The following COL4A3 variants were observed in gnomAD, a reference collection of about 807,000 sequenced individuals.
COL4A3 encodes collagen alpha-3(IV) chain.
COL4A3 carries 135 observed loss-of-function variants against 217.4 expected under a neutral mutation model. The ratio of observed to expected loss-of-function variants is 0.62; its 90% CI spans 0.54 to 0.72. The LOEUF is 0.72. Among genes scored for constraint, COL4A3 ranks in the 30% least tolerant of loss-of-function variants. The pLI is 0.00. For synonymous variants in COL4A3, 690 were observed against 736.3 expected (o/e 0.94, Z 1.02); for missense variants, 1,868 against 2,119.9 (o/e 0.88, Z 2.33).
At chr2:227,263,602 T>C (rs2070723312) in intron 20 of COL4A3, among the ~76,000 whole-genome samples, 178 bp from the exon 21 acceptor site, 1 of 152,258 alleles carries the variant, frequency 6.6e-6, no homozygotes, top group Non-Finnish European at 1.5e-5. Context: ...ACTGTGGTTA[T>C]TTAACAAGGC....
At chr2:227,207,607 G>T (rs894790538) in intron 1 of COL4A3, among the ~76,000 whole-genome samples, 2 of 152,318 alleles carry the variant, frequency 1.3e-5, no homozygotes, top group South Asian at 4.1e-4. Context: ...AGGGGGGTTT[G>T]CAGGGGCAGA....
intron 26 of COL4A3, among the ~76,000 whole-genome samples, chr2:227,274,461 T>G (rs562105299): frequency 6.6e-6 from 1 of 151,430 alleles, no homozygotes; most frequent in Non-Finnish European, 1.5e-5. Context: ...AATAAACAAA[T>G]AAATATTTAT....
intron 1 of COL4A3, among the ~76,000 whole-genome samples, chr2:227,222,789 G>T (rs1366249386): frequency 6.6e-6 from 1 of 152,126 alleles, no homozygotes; most frequent in Non-Finnish European, 1.5e-5. Flanking sequence ...GAATATGAAA[G>T]CAAGCAGAGG....
At chr2:227,221,671 C>A (rs1228386775) in intron 1 of COL4A3, among the ~76,000 whole-genome samples, 2 of 151,030 alleles carry the variant, frequency 1.3e-5, no homozygotes, top group Admixed American at 1.3e-4. Flanking sequence ...ATTAATTTTT[C>A]TTGGCAATTA....
chr2:227,175,948 G>A (rs957216570), intron 1 of COL4A3, among the ~76,000 whole-genome samples: 4 of 152,130 alleles, frequency 2.6e-5, no homozygotes, highest in Non-Finnish European at 5.9e-5. Context: ...TCTTTCTTCA[G>A]TCTCATTGGG....
At chr2:227,202,030 G>A (rs1394919683) in intron 1 of COL4A3, among the ~76,000 whole-genome samples, 1 of 152,166 alleles carries the variant, frequency 6.6e-6, no homozygotes. Context: ...AGTACACTAA[G>A]CCCTGTTTAG....
intron 18 of COL4A3, among the ~76,000 whole-genome samples, chr2:227,258,940 A>G (rs888592265): frequency 6.6e-6 from 1 of 152,150 alleles, no homozygotes; most frequent in South Asian, 2.1e-4. Flanking sequence ...TTGCTTAACC[A>G]CAAGACTCTT....
At chr2:227,215,795 A>C (rs1244405627) in intron 1 of COL4A3, among the ~76,000 whole-genome samples, 2 of 152,084 alleles carry the variant, frequency 1.3e-5, no homozygotes, top group African/African-American at 2.4e-5. Flanking sequence ...ATCCTCCCTC[A>C]GTTTTCCCTA....
At chr2:227,168,726 T>A (rs866077152) in intron 1 of COL4A3, among the ~76,000 whole-genome samples, 2 of 152,122 alleles carry the variant, frequency 1.3e-5, no homozygotes, top group Admixed American at 1.3e-4. Context: ...TCTCCTACAT[T>A]TAAAAAAAGT....
At chr2:227,264,767 G>A (rs564831042) in intron 21 of COL4A3, 18 of 152,230 alleles carry the variant, frequency 1.2e-4, no homozygotes, top group African/African-American at 3.9e-4. Flanking sequence ...TCTATGTCAA[G>A]GCTGACATAC....
At chr2:227,280,083 A>C (rs1262905553) in intron 29 of COL4A3, among the ~76,000 whole-genome samples, 193 bp downstream of exon 29, 1 of 152,242 alleles carries the variant, frequency 6.6e-6, no homozygotes, top group Non-Finnish European at 1.5e-5. Flanking sequence ...AAGGTGTCAG[A>C]ATGCAGATTT....
intron 30 of COL4A3, 111 bp from the exon 31 acceptor site, chr2:227,280,782 A>C: frequency 9.9e-7 from 1 of 1,013,816 alleles, no homozygotes. Context: ...AATGGCAGTA[A>C]ATATAGATCT....
chr2:227,254,598 C>T, intron 14 of COL4A3, 58 bp from the exon 15 acceptor site: 1 of 1,288,652 alleles, frequency 7.8e-7, no homozygotes, highest in Non-Finnish European at 1.1e-6. Flanking sequence ...TAATAAAAAT[C>T]AATGTAAGTA....
chr2:227,212,476 T>C (rs1214454523), intron 1 of COL4A3, among the ~76,000 whole-genome samples: 1 of 152,234 alleles, frequency 6.6e-6, no homozygotes, highest in Non-Finnish European at 1.5e-5. Context: ...TTGCATTGTT[T>C]TCTATATGAA....
intron 1 of COL4A3, among the ~76,000 whole-genome samples, chr2:227,181,318 A>C (rs1256571422): frequency 1.3e-5 from 2 of 152,218 alleles, no homozygotes; most frequent in African/African-American, 4.8e-5. Flanking sequence ...CGGCAGTATA[A>C]ATTCATTTTG....
chr2:227,210,545 G>A (rs555706068), intron 1 of COL4A3, among the ~76,000 whole-genome samples: 147 of 152,204 alleles, frequency 9.7e-4, no homozygotes, highest in African/African-American at 3.3e-3. Flanking sequence ...AGCCGAGACC[G>A]AACCACTGCA....
At chr2:227,244,276 T>A in intron 3 of COL4A3, 44 bp from the exon 4 acceptor site, 1 of 1,589,108 alleles carries the variant, frequency 6.3e-7, no homozygotes, top group Non-Finnish European at 8.6e-7. Context: ...TAGTGCCAAA[T>A]AATTTTCAGA....
At chr2:227,274,267 A>AAATAAATAAATAAATAAATG in intron 26 of COL4A3, among the ~76,000 whole-genome samples, 1 of 151,584 alleles carries the variant, frequency 6.6e-6, no homozygotes, top group South Asian at 2.1e-4. Context: ...ATAAATAAAT[A>AAATAAATAAATAAATAAATG]AATAAATTTT....
At position 227,254,681 on chromosome 2, in the gene COL4A3, C is replaced by G; in HGVS notation, c.854C>G (p.Ser285Cys). ...PSGLPGESYG[S>C]EKGAPGDPGL... ...GGACTGCCTGGAGAATCATATGGAT[C>G]TGAAAAGGGTGCTCCTGGAGACCCT... is the stretch of plus-strand genomic sequence containing the variant. The change falls in exon 15 of 52, where the codon TCT becomes TGT. Residue 285 changes from serine to cysteine, a missense_variant. Physicochemically the swap from Ser to Cys is moderately radical, Grantham distance 112. Transcript: ENST00000396578. The G allele has an allele frequency of 6.2e-7, 1 of 1,613,470 alleles. No individual in the cohort carries two copies. The highest frequency in any genetic ancestry group is 8.5e-7 in the Non-Finnish European group (1 of 1,179,470).
Sources: gnomAD v4.1 joint callset for allele counts (sites outside exome capture counted in the v4.1 genomes callset) on GRCh38, gnomAD v4.1.1 for gene constraint, MANE v1.5 for transcripts, NCBI Gene and HGNC (gene_info 2026-07-23, HGNC 2026-07-21) for gene names.